The following DGKK variants were observed in gnomAD, a reference collection of about 807,000 sequenced individuals.
DGKK encodes the protein diacylglycerol kinase kappa.
Under a neutral mutation model 92.2 loss-of-function variants are expected in DGKK, and 35 were observed. That is an observed-to-expected ratio of 0.38 (90% CI 0.29 to 0.50). The LOEUF is 0.50. DGKK is among the 20% of genes least tolerant of loss of function. DGKK has a pLI of 0.92. For missense variants in DGKK, 910 were observed against 992.2 expected (o/e 0.92, Z 1.11); for synonymous variants, 368 against 360.6 (o/e 1.02, Z -0.23).
At chrX:50,453,730 T>A (rs1456779920) in intron 1 of DGKK, among the ~76,000 whole-genome samples, 2 of 111,178 alleles carry the variant, frequency 1.8e-5, no homozygotes, top group Non-Finnish European at 3.8e-5. Flanking sequence ...GACATGGACA[T>A]CTCTGAAAGC....
chrX:50,423,887 CTTTATA>C (rs1925667822), intron 2 of DGKK, among the ~76,000 whole-genome samples: 1 of 111,811 alleles, frequency 8.9e-6, no homozygotes, highest in East Asian at 2.8e-4. Flanking sequence ...CAAGTCTTTG[CTTTATA>C]TTAATATTTT....
intron 8 of DGKK, among the ~76,000 whole-genome samples, chrX:50,395,613 G>GAATC (rs1349760569): frequency 6.3e-5 from 7 of 111,131 alleles, no homozygotes; most frequent in African/African-American, 2.3e-4. Context: ...TCTTCAAAAT[G>GAATC]AATCATTCAA....
At chrX:50,452,350 C>T (rs1268673615) in intron 1 of DGKK, among the ~76,000 whole-genome samples, 3 of 112,130 alleles carry the variant, frequency 2.7e-5, no homozygotes, top group Non-Finnish European at 5.6e-5. Context: ...AAGTATTATT[C>T]CAAAGAGTCT....
In DGKK at chrX:50,393,284, C is replaced by G. The variant is rs1924748246; in HGVS notation, c.1463G>C (p.Cys488Ser). 13 of 1,208,766 alleles carry G rather than the reference C, an allele frequency of 1.1e-5. No individual in the cohort carries two copies. Among genetic ancestry groups the G allele is most frequent in the Non-Finnish European group, 1.5e-5 (13 of 894,606 alleles). ...DFWNLDWSSACSCPLLIFINS... is the reference protein window; with the variant it reads ...DFWNLDWSSASSCPLLIFINS... ...GATGAAGATGAGCAAGGGACATGAA[C>G]AGGCTGATGACCAATCAAGATTCCA... is the stretch of plus-strand genomic sequence containing the variant. Residue 488 changes from cysteine to serine, a missense_variant, in exon 9 of 28, where the codon TGT becomes TCT. Physicochemically the swap from Cys to Ser is moderately radical, Grantham distance 112. Coordinates refer to ENST00000611977, the MANE Select transcript of DGKK (RefSeq NM_001013742.4).
intron 1 of DGKK, among the ~76,000 whole-genome samples, chrX:50,434,528 G>A (rs1557230586): frequency 9.0e-6 from 1 of 110,918 alleles, no homozygotes; most frequent in Non-Finnish European, 1.9e-5. Flanking sequence ...GATCTAACTT[G>A]GGGATCACTT....
intron 4 of DGKK, among the ~76,000 whole-genome samples, chrX:50,407,468 G>T: frequency 9.0e-6 from 1 of 110,880 alleles, no homozygotes; most frequent in East Asian, 2.8e-4. Context: ...TCCTCAACGT[G>T]TGCATGCAGA....
At chrX:50,372,209 A>T (rs1924153046) in intron 25 of DGKK, among the ~76,000 whole-genome samples, 2 of 112,375 alleles carry the variant, frequency 1.8e-5, no homozygotes, top group East Asian at 2.8e-4. Context: ...CACATACTGT[A>T]TGCCAAGCAC....
chrX:50,400,979 C>T lies in DGKK; in HGVS notation c.1411+58G>A, dbSNP rs781920378. ...ATTTAATTGCAGTGCTTCTTCCCAG[C>T]CTTTGCACCTTCCCTACATGCCCAA... On this transcript the variant is annotated intron_variant, in intron 8 of 27. Transcript: ENST00000611977. The T allele has an allele frequency of 2.0e-5, 21 of 1,052,825 alleles. No homozygotes were observed. In the South Asian group the frequency reaches 4.2e-4, roughly 21 times the overall value. The allele number at this position is 1,052,825 out of a possible 1,213,427, so 86.8% of individuals were successfully genotyped here.
intron 4 of DGKK, 83 bp from the exon 5 acceptor site, chrX:50,404,267 C>T: frequency 9.5e-7 from 1 of 1,053,187 alleles, no homozygotes; most frequent in Non-Finnish European, 1.3e-6. Flanking sequence ...GCTGCTAAGT[C>T]TAAAATGGCC....
chrX:50,386,371 A>G lies in DGKK; in HGVS notation c.2334T>C (p.Phe778=), dbSNP rs5961179. The change falls in exon 15 of 28, where the codon TTT becomes TTC. Residue 778 remains phenylalanine, a synonymous_variant. Coordinates refer to ENST00000611977, the MANE Select transcript of DGKK (RefSeq NM_001013742.4). ...TGGCCACCTTACCTTGTTCAACTTGAAATATGATGAGTTTCAAGGATTTCT... is the reference window on the plus strand; with the variant it reads ...TGGCCACCTTACCTTGTTCAACTTGGAATATGATGAGTTTCAAGGATTTCT... The part of the protein sequence containing the change: ...SLQKSLKLII[F]QVEQALDEES... The G allele has an allele frequency of 0.26, 310,769 of 1,204,425 alleles. 31,536 individuals are homozygous for G. The highest frequency in any genetic ancestry group is 0.56 in the African/African-American group (31,846 of 56,456).
chrX:50,374,289 A>T (rs1334456008), intron 25 of DGKK, among the ~76,000 whole-genome samples: 1 of 111,724 alleles, frequency 9.0e-6, no homozygotes, highest in Non-Finnish European at 1.9e-5. Flanking sequence ...TCATGTGAAG[A>T]TAGAGGATTG....
Position 50,384,758 on chromosome X carries a change from T to C in DGKK, c.2414A>G (p.Asp805Gly). 8.3e-7 allele frequency: 1 copy of C among 1,210,982 alleles called. No individual in the cohort carries two copies. Among genetic ancestry groups the C allele is most frequent in the Non-Finnish European group, 1.1e-6 (1 of 894,934 alleles). The change falls in exon 16 of 28, where the codon GAT becomes GGT. Residue 805 changes from aspartate to glycine, a missense_variant. By Grantham distance (94) the Asp-to-Gly change is moderately conservative (BLOSUM62 -1). Transcript: ENST00000611977. ...TGTCTGGTTAATATCTTCTGGGTCA[T>C]CTTCCAGGAAGAAAGTTGAACTAAA... ...KNFSSTFFLEDDPEDINQTSP... is the reference protein window; with the variant it reads ...KNFSSTFFLEGDPEDINQTSP...
chrX:50,441,832 T>G (rs1926180037), intron 1 of DGKK, among the ~76,000 whole-genome samples: 1 of 112,078 alleles, frequency 8.9e-6, no homozygotes, highest in Non-Finnish European at 1.9e-5. Flanking sequence ...AATGTGTGTG[T>G]AGCTATATAT....
At chrX:50,390,780 C>G (rs1557225443) in intron 11 of DGKK, among the ~76,000 whole-genome samples, 1 of 111,933 alleles carries the variant, frequency 8.9e-6, no homozygotes, top group African/African-American at 3.2e-5. Context: ...TTTTAAAAAG[C>G]TCCCCAGGAG....
chrX:50,418,348 T>C (rs1163037232), intron 4 of DGKK, among the ~76,000 whole-genome samples: 1 of 111,945 alleles, frequency 8.9e-6, no homozygotes, highest in African/African-American at 3.3e-5. Context: ...CTGGAGCAAG[T>C]ATTGCATCTT....
chrX:50,376,546 C>T (rs781807611), intron 23 of DGKK, among the ~76,000 whole-genome samples: 2 of 111,590 alleles, frequency 1.8e-5, no homozygotes, highest in East Asian at 5.6e-4. Context: ...CAAATTAATC[C>T]CTGGGTCTAA....
intron 1 of DGKK, among the ~76,000 whole-genome samples, chrX:50,445,445 G>T (rs1926278486): frequency 9.0e-6 from 1 of 111,006 alleles, no homozygotes; most frequent in African/African-American, 3.3e-5. Flanking sequence ...TCCATCTTGA[G>T]TTAATTTTTG....
At chrX:50,424,724 T>C (rs1925689526) in intron 1 of DGKK, among the ~76,000 whole-genome samples, 1 of 111,683 alleles carries the variant, frequency 9.0e-6, no homozygotes. Flanking sequence ...TTTCTGGAAG[T>C]CTCCAGATTG....
intron 23 of DGKK, among the ~76,000 whole-genome samples, 158 bp from the exon 24 acceptor site, chrX:50,376,323 C>A (rs181431039): frequency 7.3e-4 from 81 of 111,573 alleles, no homozygotes; most frequent in African/African-American, 2.3e-3. Context: ...CTCTAGGTAG[C>A]CACCTATGCT....
Sources: allele counts gnomAD v4.1 joint callset (sites outside exome capture counted in the v4.1 genomes callset), GRCh38; gene constraint gnomAD v4.1.1; transcripts MANE v1.5; gene names NCBI Gene and HGNC (gene_info 2026-07-23, HGNC 2026-07-21).